KHDRBS2: variants seen among roughly 807,000 people sequenced by gnomAD.
The protein encoded by KHDRBS2 is KH domain-containing, RNA-binding, signal transduction-associated protein 2.
A neutral mutation model predicts 44.3 loss-of-function variants in KHDRBS2; 26 were observed. The ratio of observed to expected loss-of-function variants is 0.59; its 90% CI spans 0.43 to 0.81. The LOEUF (loss-of-function observed/expected upper bound fraction) is 0.81, where lower values mean the gene tolerates loss of function less well. Ranked by LOEUF, KHDRBS2 falls within the 40% of genes least tolerant of loss-of-function variation. KHDRBS2 has a pLI of 0.00. For synonymous variants in KHDRBS2, 194 were observed against 151.1 expected, an observed-to-expected ratio of 1.28 and a Z score of -2.08; for missense variants, 476 against 433.1, an observed-to-expected ratio of 1.10 and a Z score of -0.88.
chr6:62,027,603 T>A (rs545412646), intron 3 of KHDRBS2, among the ~76,000 whole-genome samples: 2 of 152,188 alleles, frequency 1.3e-5, no homozygotes, highest in African/African-American at 4.8e-5. Flanking sequence ...TTTTCCAGCC[T>A]TACTCCCCTA....
chr6:61,673,329 C>A, the KHDRBS2 span, among the ~76,000 whole-genome samples: 4 of 151,872 alleles, frequency 2.6e-5, no homozygotes, highest in African/African-American at 9.7e-5. Flanking sequence ...ACTGAATGGA[C>A]AAAAACTAGA....
At chr6:61,772,396 A>C (rs1781083042) in intron 6 of KHDRBS2, among the ~76,000 whole-genome samples, 1 of 152,172 alleles carries the variant, frequency 6.6e-6, no homozygotes, top group Non-Finnish European at 1.5e-5. Flanking sequence ...TTTTTTGAAA[A>C]GATCAACAAA....
intron 6 of KHDRBS2, among the ~76,000 whole-genome samples, chr6:61,842,869 C>A (rs1468588615): frequency 1.3e-5 from 2 of 151,306 alleles, no homozygotes; most frequent in Admixed American, 1.3e-4. Context: ...TATCTGTAAT[C>A]TATACAGATA....
At chr6:62,131,674 G>T (rs1386169158) in intron 2 of KHDRBS2, among the ~76,000 whole-genome samples, 1 of 152,138 alleles carries the variant, frequency 6.6e-6, no homozygotes, top group Non-Finnish European at 1.5e-5. Flanking sequence ...TCCTATTGGG[G>T]TCCTAATTGG....
At chr6:61,721,118 G>A (rs1229582616) in intron 7 of KHDRBS2, among the ~76,000 whole-genome samples, 1 of 151,858 alleles carries the variant, frequency 6.6e-6, no homozygotes, top group African/African-American at 2.4e-5. Context: ...TGAGGGCTCT[G>A]TTCTGTTCCA....
At chr6:61,598,383 C>T in the KHDRBS2 span, among the ~76,000 whole-genome samples, 22 of 144,960 alleles carry the variant, frequency 1.5e-4, no homozygotes, top group African/African-American at 5.4e-4. Flanking sequence ...CCGATGACAG[C>T]TCAAAGAAAG....
At chr6:61,959,221 G>A (rs1768094261) in intron 4 of KHDRBS2, among the ~76,000 whole-genome samples, 1 of 152,114 alleles carries the variant, frequency 6.6e-6, no homozygotes, top group Admixed American at 6.6e-5. Flanking sequence ...TATTGATTTA[G>A]GTTAAAAATA....
the KHDRBS2 span, among the ~76,000 whole-genome samples, chr6:61,648,453 C>T: frequency 6.6e-6 from 1 of 152,114 alleles, no homozygotes; most frequent in East Asian, 1.9e-4. Flanking sequence ...TCATCATGAG[C>T]CTTTTCCACA....
At chr6:62,063,968 C>T (rs990593627) in intron 2 of KHDRBS2, among the ~76,000 whole-genome samples, 26 of 148,892 alleles carry the variant, frequency 1.7e-4, no homozygotes, top group Admixed American at 2.7e-4. Flanking sequence ...AAATCACAAG[C>T]GTTCTTATAC....
At position 61,970,410 on chromosome 6, in the gene KHDRBS2, C is replaced by T. The variant is rs62416680; in HGVS notation, c.483+7656G>A. On this transcript the variant is annotated intron_variant, in intron 4 of 8. Transcript: ENST00000281156. ...TGATGAGAAAAGAGCAACACCTGAGCATATCTTGGTAAAATGCTTGAATTC... is the reference window on the plus strand; with the variant it reads ...TGATGAGAAAAGAGCAACACCTGAGTATATCTTGGTAAAATGCTTGAATTC... 3.1e-3 allele frequency among the ~76,000 whole-genome samples: 475 copies of T among 152,084 alleles called. 2 individuals are homozygous for T. The highest frequency in any genetic ancestry group is 5.1e-3 in the Non-Finnish European group (348 of 67,960).
the KHDRBS2 span, among the ~76,000 whole-genome samples, chr6:61,656,622 C>A: frequency 6.6e-6 from 1 of 151,940 alleles, no homozygotes; most frequent in Admixed American, 6.6e-5. Flanking sequence ...AGATTTGTAA[C>A]ATTCCCCAAT....
At chr6:62,038,085 C>T (rs947099303) in intron 3 of KHDRBS2, among the ~76,000 whole-genome samples, 2 of 152,030 alleles carry the variant, frequency 1.3e-5, no homozygotes, top group African/African-American at 4.8e-5. Context: ...GCACTATTCA[C>T]ATGAAATGCC....
chr6:61,774,844 A>G (rs984050105), intron 6 of KHDRBS2, among the ~76,000 whole-genome samples: 4 of 152,166 alleles, frequency 2.6e-5, no homozygotes, highest in African/African-American at 9.6e-5. Flanking sequence ...ACCAAAAAAG[A>G]GAATTTTAGA....
intron 1 of KHDRBS2, among the ~76,000 whole-genome samples, chr6:62,197,398 G>A (rs756057734): frequency 8.6e-5 from 13 of 152,032 alleles, no homozygotes; most frequent in Non-Finnish European, 4.4e-5. Context: ...ATTTTAACTG[G>A]TATTATATAC....
At chr6:62,022,334 A>G (rs2127281429) in intron 3 of KHDRBS2, among the ~76,000 whole-genome samples, 1 of 151,874 alleles carries the variant, frequency 6.6e-6, no homozygotes, top group East Asian at 1.9e-4. Context: ...GGAATTTATC[A>G]TATCATGAAG....
At chr6:62,248,461 C>T (rs1585411552) in intron 1 of KHDRBS2, among the ~76,000 whole-genome samples, 1 of 151,932 alleles carries the variant, frequency 6.6e-6, no homozygotes, top group Admixed American at 6.6e-5. Flanking sequence ...TGGGTTCAAG[C>T]GATTCTCCCA....
chr6:62,085,329 T>C lies in KHDRBS2; in HGVS notation c.220-37335A>G, dbSNP rs114236454. Among the ~76,000 whole-genome samples the C allele has an allele frequency of 8.6e-3, 1,304 of 152,068 alleles. 19 individuals carry two copies. Among genetic ancestry groups the C allele is most frequent in the African/African-American group, 0.03 (1,236 of 41,514 alleles). On this transcript the variant is annotated intron_variant, in intron 2 of 8. Transcript: ENST00000281156. ...TGCAATGGCTAAACCATGAAAAATATGTGGAGTGAGATATAAAAAGCATAG... is the reference window on the plus strand; with the variant it reads ...TGCAATGGCTAAACCATGAAAAATACGTGGAGTGAGATATAAAAAGCATAG...
the KHDRBS2 span, among the ~76,000 whole-genome samples, chr6:61,594,290 C>A: frequency 6.6e-6 from 1 of 151,802 alleles, no homozygotes; most frequent in Non-Finnish European, 1.5e-5. Flanking sequence ...CAGTTCAGTC[C>A]CACATATTTA....
chr6:61,838,214 T>C (rs1342515032), intron 6 of KHDRBS2, among the ~76,000 whole-genome samples: 1 of 152,044 alleles, frequency 6.6e-6, no homozygotes, highest in African/African-American at 2.4e-5. Flanking sequence ...AATTTGGGAA[T>C]GCAAGTCCAT....
Sources: gnomAD v4.1 joint callset for allele counts (sites outside exome capture counted in the v4.1 genomes callset) on GRCh38, gnomAD v4.1.1 for gene constraint, MANE v1.5 for transcripts, NCBI Gene and HGNC (gene_info 2026-07-23, HGNC 2026-07-21) for gene names.